Variants in DLG2 observed in about 807,000 individuals in gnomAD.
The protein encoded by DLG2 is discs large MAGUK scaffold protein 2.
DLG2 carries 45 observed loss-of-function variants against 132.5 expected under a neutral mutation model. The observed-to-expected ratio is 0.34, with a 90% confidence interval of 0.27 to 0.44. The LOEUF (loss-of-function observed/expected upper bound fraction) is 0.44. Among genes scored for constraint, DLG2 ranks in the 20% least tolerant of loss-of-function variants. The probability of loss-of-function intolerance (pLI) is 1.00; values close to 1 mark genes in which losing one functional copy is unlikely to be tolerated. For synonymous variants in DLG2, 424 were observed against 419.6 expected (o/e 1.01, Z -0.13); for missense variants, 1,045 against 1,196.9 (o/e 0.87, Z 1.87).
intron 7 of DLG2, among the ~76,000 whole-genome samples, chr11:84,363,596 C>T (rs1002804425): frequency 1.5e-4 from 23 of 151,520 alleles, no homozygotes; most frequent in Admixed American, 3.3e-4. Context: ...ATGCCTATGT[C>T]CTGAATGGTA....
chr11:83,930,659 T>C (rs535380311), intron 14 of DLG2, among the ~76,000 whole-genome samples, 176 bp from the exon 15 acceptor site: 3 of 152,330 alleles, frequency 2.0e-5, no homozygotes, highest in African/African-American at 7.2e-5. Context: ...AAGACTTTAT[T>C]CCTCAGACTC....
At chr11:85,180,599 A>G (rs1370167130) in intron 4 of DLG2, among the ~76,000 whole-genome samples, 6 of 151,928 alleles carry the variant, frequency 3.9e-5, no homozygotes, top group Non-Finnish European at 5.9e-5. Context: ...TTGGAATCCA[A>G]CCTCAATTGT....
At chr11:85,061,360 CA>C (rs1178747691) in intron 6 of DLG2, among the ~76,000 whole-genome samples, 1 of 151,602 alleles carries the variant, frequency 6.6e-6, no homozygotes, top group African/African-American at 2.4e-5. Context: ...TTCAAGAATA[CA>C]TACACGATTT....
At chr11:85,464,063 G>A (rs2092704201) in intron 3 of DLG2, among the ~76,000 whole-genome samples, 2 of 149,642 alleles carry the variant, frequency 1.3e-5, no homozygotes, top group African/African-American at 5.0e-5. Context: ...AGAAGGGTAG[G>A]TTGTATCATA....
At chr11:85,509,636 C>T (rs1321915983) in intron 3 of DLG2, among the ~76,000 whole-genome samples, 1 of 152,034 alleles carries the variant, frequency 6.6e-6, no homozygotes, top group Non-Finnish European at 1.5e-5. Flanking sequence ...ATCTAAAATG[C>T]AGACCTATTA....
chr11:85,579,103 G>A (rs1486926791), intron 3 of DLG2, among the ~76,000 whole-genome samples: 1 of 152,050 alleles, frequency 6.6e-6, no homozygotes, highest in East Asian at 1.9e-4. Flanking sequence ...GAGCACTGGA[G>A]GCCATTACCT....
chr11:85,170,963 A>G (rs2078822281), intron 4 of DLG2, among the ~76,000 whole-genome samples: 1 of 152,176 alleles, frequency 6.6e-6, no homozygotes, highest in Admixed American at 6.5e-5. Flanking sequence ...GGAGAAGGGA[A>G]AGCTCTTCCT....
chr11:84,438,272 C>G (rs2099006935), intron 7 of DLG2, among the ~76,000 whole-genome samples: 1 of 152,078 alleles, frequency 6.6e-6, no homozygotes, highest in Admixed American at 6.5e-5. Flanking sequence ...TGGCCTGGGA[C>G]CAAGGGCAAA....
chr11:83,766,559 A>T (rs79568488), intron 18 of DLG2, among the ~76,000 whole-genome samples: 3,166 of 152,240 alleles, frequency 0.021, 85 homozygotes, highest in African/African-American at 0.064. Context: ...ATTATCAGCA[A>T]TTGAGGGAAA....
At chr11:84,283,160 C>G (rs907553349) in intron 7 of DLG2, among the ~76,000 whole-genome samples, 2 of 152,164 alleles carry the variant, frequency 1.3e-5, no homozygotes, top group Admixed American at 1.3e-4. Context: ...ACAACTGACA[C>G]TAAAATTATA....
At chr11:84,291,380 C>G (rs539796295) in intron 7 of DLG2, among the ~76,000 whole-genome samples, 1 of 152,082 alleles carries the variant, frequency 6.6e-6, no homozygotes, top group African/African-American at 2.4e-5. Context: ...ACTGACAGTA[C>G]GCTACCTTTT....
At chr11:84,899,157 A>C in intron 6 of DLG2, among the ~76,000 whole-genome samples, 1 of 152,118 alleles carries the variant, frequency 6.6e-6, no homozygotes, top group East Asian at 1.9e-4. Context: ...TGAACAGAGA[A>C]AACATCAAAA....
intron 27 of DLG2, 70 bp from the exon 28 acceptor site, chr11:83,459,994 C>T: frequency 1.2e-6 from 1 of 831,374 alleles, no homozygotes; most frequent in Admixed American, 2.0e-5. Flanking sequence ...TCATCACTTA[C>T]ACATTGGAGG....
intron 3 of DLG2, among the ~76,000 whole-genome samples, chr11:85,558,907 A>G (rs1316593535): frequency 6.6e-6 from 1 of 151,828 alleles, no homozygotes; most frequent in Non-Finnish European, 1.5e-5. Flanking sequence ...TACTCAGGTA[A>G]CAAACCTGCA....
At chr11:84,536,362 C>A (rs540778588) in intron 6 of DLG2, among the ~76,000 whole-genome samples, 1 of 152,046 alleles carries the variant, frequency 6.6e-6, no homozygotes, top group Non-Finnish European at 1.5e-5. Flanking sequence ...CTCTCCTCTA[C>A]CCCATAAAGA....
intron 12 of DLG2, among the ~76,000 whole-genome samples, chr11:83,968,563 C>A (rs1266211769): frequency 6.6e-6 from 1 of 152,028 alleles, no homozygotes; most frequent in African/African-American, 2.4e-5. Context: ...CACATATAGC[C>A]CATATTACAT....
chr11:83,465,651 A>AT (rs2090888288), intron 26 of DLG2, among the ~76,000 whole-genome samples: 1 of 152,206 alleles, frequency 6.6e-6, no homozygotes, highest in Non-Finnish European at 1.5e-5. Flanking sequence ...TATCTTTTAC[A>AT]ATAATAATAG....
intron 14 of DLG2, among the ~76,000 whole-genome samples, chr11:83,952,327 A>C (rs1321311504): frequency 1.3e-5 from 2 of 152,114 alleles, no homozygotes; most frequent in African/African-American, 4.8e-5. Context: ...ACCATGGGGG[A>C]AAGAGTGAGA....
At chr11:84,177,834 T>C (rs1351892668) in intron 8 of DLG2, among the ~76,000 whole-genome samples, 1 of 152,142 alleles carries the variant, frequency 6.6e-6, no homozygotes, top group Non-Finnish European at 1.5e-5. Context: ...TGGCACATGA[T>C]AAATGTTATT....
Sources: gnomAD v4.1 joint callset for allele counts (sites outside exome capture counted in the v4.1 genomes callset) on GRCh38, gnomAD v4.1.1 for gene constraint, MANE v1.5 for transcripts, NCBI Gene and HGNC (gene_info 2026-07-23, HGNC 2026-07-21) for gene names.